The following MASP1 variants were observed in gnomAD, a reference collection of about 807,000 sequenced individuals.
The protein encoded by MASP1 is MBL associated serine protease 1, also known as mannan-binding lectin serine protease 1.
In MASP1, 59 loss-of-function variants were observed where a neutral mutation model predicts 77.1. That is an observed-to-expected ratio of 0.77 (90% CI 0.62 to 0.95). MASP1 has a LOEUF of 0.95. Among genes scored for constraint, MASP1 ranks in the 40% least tolerant of loss-of-function variants. The pLI is 0.00. For missense variants in MASP1, 885 were observed against 912.9 expected (o/e 0.97, Z 0.39); for synonymous variants, 362 against 354.5 (o/e 1.02, Z -0.24).
intron 2 of MASP1, among the ~76,000 whole-genome samples, chr3:187,270,788 G>A (rs1281798432): frequency 6.6e-6 from 1 of 152,188 alleles, no homozygotes; most frequent in African/African-American, 2.4e-5. Context: ...TGAACCATCT[G>A]ATTAAAATGT....
chr3:187,222,551 T>C (rs1033428606), intron 14 of MASP1, among the ~76,000 whole-genome samples: 1 of 152,218 alleles, frequency 6.6e-6, no homozygotes, highest in African/African-American at 2.4e-5. Flanking sequence ...GCAGCTCGTG[T>C]TGCCCCATAA....
Position 187,234,924 on chromosome 3 carries a change from G to T in MASP1, c.*760C>A. 7.8e-7 allele frequency: 1 copy of T among 1,287,256 alleles called. No individual in the cohort carries two copies. Among genetic ancestry groups the T allele is most frequent in the Non-Finnish European group, 1.0e-6 (1 of 988,692 alleles). 79.7% of individuals were successfully genotyped at this position (1,287,256 alleles called of 1,614,324 possible). A position where few individuals can be genotyped will look rare whatever the true frequency, so the allele number is the denominator to read the frequency against. On this transcript the variant is annotated 3_prime_UTR_variant, in exon 11 of 11. Coordinates refer to ENST00000296280, the MANE Select transcript of MASP1 (RefSeq NM_139125.4). ...GCTGGTGTTCCAGGGTGGCATATGG[G>T]CCCAAATGTGTTCTGAGTTGACAAT...
chr3:187,220,092 C>T (rs1399246171), exon 16 of MASP1: 1 of 1,613,834 alleles, frequency 6.2e-7, no homozygotes, highest in Admixed American at 1.7e-5. Context: ...CTCCGGTGAC[C>T]CTCTGGATCC....
exon 16 of MASP1, chr3:187,219,939 A>G: frequency 2.3e-6 from 2 of 877,324 alleles, no homozygotes; most frequent in Admixed American, 2.0e-5. Context: ...TACCTGCTCT[A>G]TTGCCCAGTA....
At position 187,243,614 on chromosome 3, in the gene MASP1, G is replaced by T; in HGVS notation, c.1098C>A (p.Asp366Glu). 1 of 1,614,206 alleles carries T rather than the reference G, an allele frequency of 6.2e-7. No homozygotes were observed. Among genetic ancestry groups the T allele is most frequent in the East Asian group, 2.2e-5 (1 of 44,888 alleles). ...GTTCCAGCTCTCCTGGGGCTCTACA[G>T]TCTACAACTGAGAGAGAAGAAGTGA... The part of the protein sequence containing the change: ...SNKIPTCKIV[D>E]CRAPGELEHG... The change falls in exon 9 of 11, where the codon GAC (aspartate) becomes GAA (glutamate). Residue 366 changes from aspartate to glutamate, a missense_variant. Transcript: ENST00000296280.
rs139529455 is a variant in MASP1 at position 187,286,055 on chromosome 3, A to G, written c.7T>C (p.Trp3Arg). Residue 3 changes from tryptophan to arginine, a missense_variant and splice_region_variant, in exon 2 of 11, where the codon TGG becomes CGG. Transcript: ENST00000296280. MR[W>R]LLLYYALCFS... is the part of the protein sequence containing the mutation. ...CACAGAGCATAATAGAGAAGCAGCC[A>G]CCTGAAAGACATGAATGTAGGTCTA... 88 of 1,612,490 alleles carry G rather than the reference A, an allele frequency of 5.5e-5. No individual in the cohort carries two copies. In the African/African-American group the frequency reaches 1.0e-3, roughly 19 times the overall value.
chr3:187,238,162 A>G (rs1301180296), intron 10 of MASP1, among the ~76,000 whole-genome samples: 1 of 152,226 alleles, frequency 6.6e-6, no homozygotes, highest in Non-Finnish European at 1.5e-5. Context: ...GGCTTGGTCC[A>G]TGGTCACAAC....
At chr3:187,259,965 T>C (rs1301574565) in intron 4 of MASP1, among the ~76,000 whole-genome samples, 1 of 152,220 alleles carries the variant, frequency 6.6e-6, no homozygotes, top group African/African-American at 2.4e-5. Flanking sequence ...TGGAAGGCCC[T>C]TCTTCTCTTT....
intron 8 of MASP1, 145 bp from the exon 9 acceptor site, chr3:187,243,766 CT>C: frequency 1.0e-6 from 1 of 991,032 alleles, no homozygotes; most frequent in South Asian, 1.3e-5. Context: ...AAGGGCACCC[CT>C]GGGGTGTGCA....
At chr3:187,217,666 C>T (rs1346041329) in exon 16 of MASP1, 1 of 152,216 alleles carries the variant, frequency 6.6e-6, no homozygotes, top group Admixed American at 6.5e-5. Flanking sequence ...TACTCCAGCC[C>T]TCTGCTTCTA....
chr3:187,220,186 A>C, exon 16 of MASP1: 1 of 1,614,188 alleles, frequency 6.2e-7, no homozygotes, highest in Non-Finnish European at 8.5e-7. Flanking sequence ...AGTGCCCACC[A>C]GGTACCACTG....
intron 6 of MASP1, among the ~76,000 whole-genome samples, chr3:187,252,934 C>A (rs547319007): frequency 2.0e-5 from 3 of 152,196 alleles, no homozygotes; most frequent in African/African-American, 7.2e-5. Context: ...TACTGAAGTA[C>A]ATGTTTTGAA....
chr3:187,218,114 T>A (rs1711857673), exon 16 of MASP1: 1 of 152,262 alleles, frequency 6.6e-6, no homozygotes, highest in African/African-American at 2.4e-5. Flanking sequence ...GGAAGCCTTC[T>A]TGATTGATAT....
chr3:187,258,880 C>T (rs983750992), intron 4 of MASP1, among the ~76,000 whole-genome samples: 2 of 152,196 alleles, frequency 1.3e-5, no homozygotes, highest in African/African-American at 4.8e-5. Context: ...CCTGGAGTTG[C>T]TCTGAACATA....
At chr3:187,218,983 C>T (rs992082710) in exon 16 of MASP1, 1 of 152,210 alleles carries the variant, frequency 6.6e-6, no homozygotes, top group African/African-American at 2.4e-5. Flanking sequence ...CTCATGCAGC[C>T]CAGTTTCCCA....
At chr3:187,254,779 C>G (rs1037768873) in intron 5 of MASP1, among the ~76,000 whole-genome samples, 1 of 152,120 alleles carries the variant, frequency 6.6e-6, no homozygotes, top group African/African-American at 2.4e-5. Context: ...TTATCTGATC[C>G]GGATTCCCCA....
chr3:187,271,779 T>C (rs1337793323), intron 2 of MASP1, among the ~76,000 whole-genome samples: 1 of 152,174 alleles, frequency 6.6e-6, no homozygotes, highest in Non-Finnish European at 1.5e-5. Context: ...GAAGGGCAAC[T>C]TAACTAGCCT....
At chr3:187,240,473 CT>C (rs112310972) in intron 10 of MASP1, among the ~76,000 whole-genome samples, 1 of 151,680 alleles carries the variant, frequency 6.6e-6, no homozygotes, top group African/African-American at 2.4e-5. Flanking sequence ...GCCATTCTTG[CT>C]TTTTTTTAAA....
rs759368047 is a variant in MASP1, at chr3:187,236,420, C to T, written c.1451G>A (p.Gly484Glu). 6.2e-7 allele frequency: 1 copy of T among 1,614,178 alleles called. No homozygotes were observed. Among genetic ancestry groups the T allele is most frequent in the Admixed American group, 1.7e-5 (1 of 60,020 alleles). The change falls in exon 11 of 11, where the codon GGG (glycine) becomes GAG (glutamate). Residue 484 changes from glycine to glutamate, a missense_variant. By Grantham distance (98) the Gly-to-Glu change is moderately conservative. Coordinates refer to ENST00000296280, the MANE Select transcript of MASP1 (RefSeq NM_139125.4). ...RVPNDKWFGS[G>E]ALLSASWILT... ...GATCCAGGACGCAGAGAGCAGGGCC[C>T]CACTCCCAAACCACTTGTCATTTGG...
Sources: allele counts gnomAD v4.1 joint callset (sites outside exome capture counted in the v4.1 genomes callset), GRCh38; gene constraint gnomAD v4.1.1; transcripts MANE v1.5; gene names NCBI Gene and HGNC (gene_info 2026-07-23, HGNC 2026-07-21).